RAB10: variants seen among roughly 807,000 people sequenced by gnomAD.
The protein encoded by RAB10 is RAB10, member RAS oncogene family, also known as ras-related protein Rab-10.
A neutral mutation model predicts 25.7 loss-of-function variants in RAB10; 5 were observed. That is an observed-to-expected ratio of 0.19 (90% CI 0.10 to 0.41). The LOEUF is 0.41. Among genes scored for constraint, RAB10 ranks in the 10% least tolerant of loss-of-function variants. The pLI is 1.00. For missense variants in RAB10, 103 were observed against 245.8 expected (o/e 0.42, Z 3.89); for synonymous variants, 89 against 86.4 (o/e 1.03, Z -0.16).
chr2:26,113,242 A>C (rs1372710774), intron 3 of RAB10, among the ~76,000 whole-genome samples: 1 of 152,176 alleles, frequency 6.6e-6, no homozygotes, highest in Non-Finnish European at 1.5e-5. Flanking sequence ...CAGTTCACAC[A>C]GAAAAAACAT....
intron 1 of RAB10, among the ~76,000 whole-genome samples, chr2:26,051,717 G>C (rs571694422): frequency 4.0e-5 from 6 of 150,616 alleles, no homozygotes; most frequent in African/African-American, 1.2e-4. Flanking sequence ...TTGCGCCACT[G>C]CACTCTAGCC....
At chr2:26,121,643 T>C (rs557749909) in intron 3 of RAB10, among the ~76,000 whole-genome samples, 1 of 152,236 alleles carries the variant, frequency 6.6e-6, no homozygotes, top group East Asian at 1.9e-4. Flanking sequence ...TATATGTAGA[T>C]ACTAGTCTAT....
chr2:26,076,124 G>C (rs1666728209), intron 1 of RAB10, among the ~76,000 whole-genome samples: 1 of 152,152 alleles, frequency 6.6e-6, no homozygotes, highest in Non-Finnish European at 1.5e-5. Context: ...TATGTACCCA[G>C]GCCCTGTCCT....
intron 1 of RAB10, among the ~76,000 whole-genome samples, chr2:26,049,518 C>T (rs566195186): frequency 8.6e-5 from 13 of 151,742 alleles, no homozygotes; most frequent in Non-Finnish European, 1.6e-4. Context: ...AAGTGATTCT[C>T]CTGCCTCAGC....
At chr2:26,045,002 T>C (rs1176556918) in intron 1 of RAB10, among the ~76,000 whole-genome samples, 1 of 152,060 alleles carries the variant, frequency 6.6e-6, no homozygotes, top group Non-Finnish European at 1.5e-5. Context: ...TTTGTTTTTT[T>C]TTTTTGGAGG....
intron 1 of RAB10, among the ~76,000 whole-genome samples, chr2:26,061,037 A>G (rs1402686639): frequency 2.7e-5 from 4 of 147,586 alleles, no homozygotes; most frequent in South Asian, 2.2e-4. Context: ...CTTTAAAAAT[A>G]TAGGTTGAAA....
At chr2:26,042,359 G>C (rs1287286525) in intron 1 of RAB10, among the ~76,000 whole-genome samples, 3 of 152,108 alleles carry the variant, frequency 2.0e-5, no homozygotes, top group Non-Finnish European at 2.9e-5. Flanking sequence ...GATTAGGCTG[G>C]GTGCTGTGGC....
rs1002125789 is a variant in RAB10, at chr2:26,111,934, A to G, written c.327+2028A>G. ...TTTCTGCCTTCTGTCCAAGCTGGCT[A>G]TAGATTTTGGGGATGCCAACAATGC... On this transcript the variant is annotated intron_variant, in intron 3 of 5. Transcript: ENST00000264710. 3.9e-5 allele frequency among the ~76,000 whole-genome samples: 6 copies of G among 152,172 alleles called. No individual in the cohort carries two copies. In the East Asian group the frequency reaches 1.2e-3, roughly 29 times the overall value.
intron 1 of RAB10, among the ~76,000 whole-genome samples, chr2:26,081,671 A>G (rs540270158): frequency 1.3e-5 from 2 of 152,238 alleles, no homozygotes; most frequent in South Asian, 4.1e-4. Context: ...GAAGTTGGAT[A>G]AAGAGGTATT....
At chr2:26,045,897 A>G (rs1222953703) in intron 1 of RAB10, among the ~76,000 whole-genome samples, 1 of 152,198 alleles carries the variant, frequency 6.6e-6, no homozygotes, top group African/African-American at 2.4e-5. Context: ...AAAGGATTAC[A>G]AAGGATGTTG....
At chr2:26,106,332 A>C (rs949638448) in intron 2 of RAB10, among the ~76,000 whole-genome samples, 3 of 152,206 alleles carry the variant, frequency 2.0e-5, no homozygotes, top group African/African-American at 7.2e-5. Flanking sequence ...TCTGGTTGTA[A>C]AGCTTTTTAT....
At chr2:26,083,735 T>G (rs1574543566) in intron 1 of RAB10, among the ~76,000 whole-genome samples, 1 of 152,114 alleles carries the variant, frequency 6.6e-6, no homozygotes, top group Non-Finnish European at 1.5e-5. Flanking sequence ...GCCAGGCTGG[T>G]CTCGAACTCC....
At chr2:26,126,428 A>G (rs1281876735) in intron 3 of RAB10, among the ~76,000 whole-genome samples, 1 of 152,138 alleles carries the variant, frequency 6.6e-6, no homozygotes, top group East Asian at 1.9e-4. Flanking sequence ...AGAAAACTAC[A>G]AAAATTAGCT....
chr2:26,124,165 A>G (rs1217781418), intron 3 of RAB10, among the ~76,000 whole-genome samples: 2 of 152,114 alleles, frequency 1.3e-5, no homozygotes, highest in African/African-American at 2.4e-5. Context: ...GTTACTGATA[A>G]TACTTCTGGT....
chr2:26,095,193 C>G (rs1667185579), intron 1 of RAB10, among the ~76,000 whole-genome samples: 1 of 152,070 alleles, frequency 6.6e-6, no homozygotes, highest in Admixed American at 6.5e-5. Flanking sequence ...GTTTTTTTCC[C>G]TAGGCAACTC....
intron 1 of RAB10, among the ~76,000 whole-genome samples, chr2:26,062,486 T>C (rs971239876): frequency 2.6e-5 from 4 of 151,942 alleles, no homozygotes; most frequent in Admixed American, 2.6e-4. Context: ...GAGACCAGCA[T>C]GGTCAACCTG....
chr2:26,071,628 C>T (rs1666628300), intron 1 of RAB10, among the ~76,000 whole-genome samples: 1 of 151,382 alleles, frequency 6.6e-6, no homozygotes, highest in Non-Finnish European at 1.5e-5. Context: ...GCAGAGGTTG[C>T]GGTGAGCCAA....
At chr2:26,046,195 C>T (rs756872788) in intron 1 of RAB10, among the ~76,000 whole-genome samples, 23 of 151,954 alleles carry the variant, frequency 1.5e-4, no homozygotes, top group Non-Finnish European at 2.6e-4. Context: ...CATGGTGGCG[C>T]ATGCCTGTAG....
At chr2:26,041,121 G>GCAGGTAGGCAGA (rs1221263430) in intron 1 of RAB10, among the ~76,000 whole-genome samples, 4 of 152,000 alleles carry the variant, frequency 2.6e-5, no homozygotes, top group Non-Finnish European at 5.9e-5. Flanking sequence ...ATGAAGGCAG[G>GCAGGTAGGCAGA]CAGGTAGGCA....
Sources: gnomAD v4.1 joint callset for allele counts (sites outside exome capture counted in the v4.1 genomes callset) on GRCh38, gnomAD v4.1.1 for gene constraint, MANE v1.5 for transcripts, NCBI Gene and HGNC (gene_info 2026-07-23, HGNC 2026-07-21) for gene names.